RIC1: variants seen among roughly 807,000 people sequenced by gnomAD.
RIC1 encodes RIC1 partner of RAB6A GEF complex.
In RIC1, 88 loss-of-function variants were observed where a neutral mutation model predicts 169.0. The observed-to-expected ratio is 0.52, with a 90% CI of 0.44 to 0.62. RIC1 has a LOEUF of 0.62. Ranked by LOEUF, RIC1 falls within the 20% of genes least tolerant of loss-of-function variation. RIC1 has a pLI of 0.00. For synonymous variants in RIC1, 790 were observed against 601.5 expected, an observed-to-expected ratio of 1.31 and a Z score of -4.59; for missense variants, 1,877 against 1,725.5, an observed-to-expected ratio of 1.09 and a Z score of -1.56.
chr9:5,734,856 T>C (rs1381550290), intron 7 of RIC1, among the ~76,000 whole-genome samples: 1 of 152,224 alleles, frequency 6.6e-6, no homozygotes, highest in Non-Finnish European at 1.5e-5. Flanking sequence ...CACTTTGCTG[T>C]TGACATACTT....
chr9:5,662,956 G>T (rs1429014788), intron 2 of RIC1, among the ~76,000 whole-genome samples: 1 of 152,080 alleles, frequency 6.6e-6, no homozygotes, highest in African/African-American at 2.4e-5. Flanking sequence ...GTAGCTTTTT[G>T]ATGTGGGCAT....
Position 5,747,307 on chromosome 9 carries a change from C to G in RIC1, c.1254C>G (p.Asn418Lys), listed in dbSNP as rs190154814. 1.2e-4 allele frequency: 198 copies of G among 1,612,942 alleles called. 4 individuals carry two copies. In the East Asian group the frequency reaches 4.2e-3, roughly 34 times the overall value. ...SVLTVNPCMS[N>K]QEQVLLQGED... is the part of the protein sequence containing the mutation. ...TTCCTCTTTCCCTCATTTAGAGTAA[C>G]CAAGAGCAGGTGTTGCTTCAGGGTG... The change falls in exon 12 of 26, where the codon AAC (asparagine) becomes AAG (lysine). Residue 418 changes from asparagine (N) to lysine (K), a missense_variant. By Grantham distance (94) the Asn-to-Lys change is moderately conservative. This residue lies in a region of RIC1 where 1,104 missense variants were observed against 992.0 expected (regional missense o/e 1.11). Transcript: ENST00000414202.
chr9:5,771,926 T>A (rs184273630), intron 23 of RIC1, among the ~76,000 whole-genome samples: 1 of 152,268 alleles, frequency 6.6e-6, no homozygotes, highest in Non-Finnish European at 1.5e-5. Flanking sequence ...AATATTTCAG[T>A]TTTTTTCCTA....
intron 2 of RIC1, among the ~76,000 whole-genome samples, chr9:5,677,825 C>A (rs1454406494): frequency 6.6e-6 from 1 of 151,918 alleles, no homozygotes; most frequent in Non-Finnish European, 1.5e-5. Context: ...AAACATTTTT[C>A]TCACCATGTT....
At chr9:5,725,594 C>A (rs1260124563) in intron 6 of RIC1, among the ~76,000 whole-genome samples, 2 of 152,116 alleles carry the variant, frequency 1.3e-5, no homozygotes, top group Non-Finnish European at 2.9e-5. Context: ...TTCTTACCTT[C>A]TGCTAGCTTT....
intron 21 of RIC1, among the ~76,000 whole-genome samples, chr9:5,768,075 C>G (rs183873972): frequency 7.2e-5 from 11 of 152,294 alleles, no homozygotes; most frequent in African/African-American, 2.6e-4. Context: ...AGATCCGAAT[C>G]CAGGCAGTAC....
rs1192265897 is a variant in RIC1 at position 5,775,370 on chromosome 9, AAAC to A, written c.*1128_*1130del. ...TTAAATTTGTTTTCATACATTATGA[AAAC>A]AACTGCATACTCCTTAATTGCTTTA... is the stretch of plus-strand genomic sequence containing the variant. On this transcript the variant is annotated 3_prime_UTR_variant, in exon 26 of 26. Transcript: ENST00000414202. The A allele has an allele frequency of 4.6e-5, 7 of 152,316 alleles. No individual in the cohort carries two copies. The highest frequency in any genetic ancestry group is 1.9e-4 in the East Asian group (1 of 5,196). The allele number at this position is 152,316 out of a possible 1,614,324, so 9.4% of individuals were successfully genotyped here.
At chr9:5,767,695 C>G (rs552875224) in intron 21 of RIC1, among the ~76,000 whole-genome samples, 1 of 152,160 alleles carries the variant, frequency 6.6e-6, no homozygotes, top group African/African-American at 2.4e-5. Context: ...TCAAGTGATT[C>G]TTCTGCCTCA....
intron 12 of RIC1, among the ~76,000 whole-genome samples, chr9:5,750,902 GAC>G: frequency 6.6e-6 from 1 of 151,902 alleles, no homozygotes; most frequent in South Asian, 2.1e-4. Context: ...AGTATCTTTA[GAC>G]ACAAACTGCA....
chr9:5,643,078 T>A (rs1458094091), intron 1 of RIC1, among the ~76,000 whole-genome samples: 1 of 152,026 alleles, frequency 6.6e-6, no homozygotes, highest in Non-Finnish European at 1.5e-5. Flanking sequence ...GGTGGGAGGA[T>A]CACTTGAGCC....
At chr9:5,755,847 CG>C (rs1032866723) in intron 15 of RIC1, among the ~76,000 whole-genome samples, 6 of 152,016 alleles carry the variant, frequency 3.9e-5, no homozygotes, top group Admixed American at 2.6e-4. Flanking sequence ...TGCTTGAACC[CG>C]GAAGGCGGAG....
chr9:5,720,355 A>C, intron 5 of RIC1, 31 bp downstream of exon 5: 2 of 1,587,028 alleles, frequency 1.3e-6, no homozygotes, highest in Middle Eastern at 1.7e-4. Context: ...AGGTTGAACC[A>C]GTTGTTTAAT....
chr9:5,752,688 G>A (rs1258325646), intron 12 of RIC1, among the ~76,000 whole-genome samples: 3 of 152,004 alleles, frequency 2.0e-5, no homozygotes, highest in East Asian at 1.9e-4. Context: ...CACCTGCCTC[G>A]GCCTCCCAAA....
At chr9:5,633,986 A>T (rs1427951937) in intron 1 of RIC1, among the ~76,000 whole-genome samples, 1 of 152,056 alleles carries the variant, frequency 6.6e-6, no homozygotes, top group Non-Finnish European at 1.5e-5. Context: ...TGAGATCATG[A>T]AGTTGTTTTT....
intron 3 of RIC1, among the ~76,000 whole-genome samples, chr9:5,701,718 CATT>C (rs761193966): frequency 7.9e-5 from 12 of 152,000 alleles, no homozygotes; most frequent in Admixed American, 7.2e-4. Context: ...CGTACTATAA[CATT>C]AGTATGAATA....
intron 3 of RIC1, among the ~76,000 whole-genome samples, chr9:5,707,012 T>G (rs1280546198): frequency 6.6e-6 from 1 of 152,124 alleles, no homozygotes; most frequent in Non-Finnish European, 1.5e-5. Context: ...TTTGAAATCT[T>G]TTTCTTAATA....
At chr9:5,769,302 C>T (rs1827029755) in intron 22 of RIC1, 46 bp downstream of exon 22, 4 of 1,613,848 alleles carry the variant, frequency 2.5e-6, no homozygotes, top group Non-Finnish European at 3.4e-6. Context: ...TTGTATTTTA[C>T]TCCGTGTATT....
At chr9:5,670,076 A>G (rs1249854542) in intron 2 of RIC1, among the ~76,000 whole-genome samples, 15 of 152,350 alleles carry the variant, frequency 9.8e-5, no homozygotes, top group Admixed American at 9.8e-4. Context: ...GTCTCCAGTT[A>G]GTATGGATAC....
intron 4 of RIC1, among the ~76,000 whole-genome samples, chr9:5,716,674 G>C (rs1332989323): frequency 6.6e-6 from 1 of 152,150 alleles, no homozygotes; most frequent in Non-Finnish European, 1.5e-5. Flanking sequence ...TATCGAACAG[G>C]GTTCTGACAT....
Sources: gnomAD v4.1 joint callset for allele counts (sites outside exome capture counted in the v4.1 genomes callset) on GRCh38, gnomAD v4.1.1 for gene constraint, gnomAD v4.1.1 regional missense constraint, MANE v1.5 for transcripts, NCBI Gene and HGNC (gene_info 2026-07-23, HGNC 2026-07-21) for gene names.